MYOCD: variants seen among roughly 807,000 people sequenced by gnomAD.
MYOCD encodes myocardin.
A neutral mutation model predicts 96.1 loss-of-function variants in MYOCD; 32 were observed. The observed-to-expected ratio is 0.33, with a 90% CI of 0.25 to 0.45. The LOEUF is 0.45. MYOCD is among the 20% of genes least tolerant of loss of function. MYOCD has a pLI of 1.00. For missense variants in MYOCD, 1,133 were observed against 1,200.6 expected, an observed-to-expected ratio of 0.94 and a Z score of 0.83; for synonymous variants, 469 against 469.0, an observed-to-expected ratio of 1.00 and a Z score of 0.00.
At chr17:12,685,269 C>T (rs2030046142) in intron 1 of MYOCD, among the ~76,000 whole-genome samples, 1 of 151,986 alleles carries the variant, frequency 6.6e-6, no homozygotes, top group Non-Finnish European at 1.5e-5. Flanking sequence ...TACTGCACTC[C>T]AGCCTGGGTG....
chr17:12,762,821 A>G, intron 13 of MYOCD: 1 of 461,758 alleles, frequency 2.2e-6, no homozygotes, highest in Non-Finnish European at 3.8e-6. Flanking sequence ...CAGGGGTCAG[A>G]GGAGTAGGCC....
chr17:12,697,359 A>ATATT (rs1427225443), intron 1 of MYOCD, among the ~76,000 whole-genome samples: 8 of 75,718 alleles, frequency 1.1e-4, no homozygotes, highest in Non-Finnish European at 1.8e-4. Context: ...ATATATATAT[A>ATATT]TTTTTTTTTT....
chr17:12,756,570 A>T lies in MYOCD; in HGVS notation c.2202+13A>T, dbSNP rs751073096. 99 of 1,547,352 alleles carry T rather than the reference A, an allele frequency of 6.4e-5. No individual in the cohort carries two copies. The African/African-American group carries it at 9.5e-4, about 15-fold the overall frequency. On this transcript the variant is annotated intron_variant, in intron 11 of 13. Coordinates refer to ENST00000425538, the MANE Select transcript of MYOCD (RefSeq NM_001146312.3). The stretch of plus-strand genomic sequence containing the variant: ...TGTACAGCAAAAGGTAGGCACCTGA[A>T]AAAAGGCCTCAACCTGGGATTCACT...
intron 1 of MYOCD, among the ~76,000 whole-genome samples, chr17:12,694,749 T>C (rs8067114): frequency 0.14 from 21,602 of 151,998 alleles, 1,666 homozygotes; most frequent in African/African-American, 0.18. Flanking sequence ...TCTAGGAGTG[T>C]TTCTTAATGT....
intron 1 of MYOCD, among the ~76,000 whole-genome samples, chr17:12,697,391 C>T (rs1462589456): frequency 2.6e-5 from 3 of 116,876 alleles, no homozygotes; most frequent in Non-Finnish European, 3.3e-5. Context: ...GAGACGGGGT[C>T]TCGCTCTGTC....
At chr17:12,753,507 G>T (rs2032923859) in intron 10 of MYOCD, among the ~76,000 whole-genome samples, 161 bp downstream of exon 10, 1 of 152,184 alleles carries the variant, frequency 6.6e-6, no homozygotes, top group South Asian at 2.1e-4. Flanking sequence ...CCTCATGGTA[G>T]ACCAAACTCA....
At chr17:12,754,114 TG>T (rs2032942982) in intron 10 of MYOCD, among the ~76,000 whole-genome samples, 1 of 149,728 alleles carries the variant, frequency 6.7e-6, no homozygotes, top group South Asian at 2.1e-4. Flanking sequence ...AGTTTGCAAC[TG>T]TTTTTTTGAG....
chr17:12,741,714 TA>T (rs1567594454), intron 7 of MYOCD, among the ~76,000 whole-genome samples: 7 of 144,342 alleles, frequency 4.8e-5, no homozygotes, highest in Non-Finnish European at 7.6e-5. Context: ...TGTATATATA[TA>T]TAAAAAAAAA....
At chr17:12,747,387 G>A (rs1054939280) in intron 9 of MYOCD, among the ~76,000 whole-genome samples, 2 of 151,934 alleles carry the variant, frequency 1.3e-5, no homozygotes, top group Non-Finnish European at 2.9e-5. Flanking sequence ...GTAGAATGAG[G>A]AGTTGATGTG....
chr17:12,683,257 A>G (rs2029897230), intron 1 of MYOCD, among the ~76,000 whole-genome samples: 1 of 152,188 alleles, frequency 6.6e-6, no homozygotes, highest in Non-Finnish European at 1.5e-5. Flanking sequence ...CAGAACAAAA[A>G]CTAGGACTAG....
At chr17:12,699,150 G>C (rs935121009) in intron 1 of MYOCD, among the ~76,000 whole-genome samples, 1 of 150,026 alleles carries the variant, frequency 6.7e-6, no homozygotes, top group Non-Finnish European at 1.5e-5. Context: ...TTTTGAGACA[G>C]GGTCTTGCTT....
chr17:12,748,295 GTTA>G (rs1269149326), intron 9 of MYOCD, among the ~76,000 whole-genome samples: 1 of 152,040 alleles, frequency 6.6e-6, no homozygotes, highest in African/African-American at 2.4e-5. Context: ...GTGTGATAAT[GTTA>G]TTATATTATG....
intron 1 of MYOCD, among the ~76,000 whole-genome samples, chr17:12,698,125 A>G (rs2030868785): frequency 6.6e-6 from 1 of 152,218 alleles, no homozygotes. Context: ...AAGATGCTAT[A>G]CGAAGTAATC....
chr17:12,707,417 A>C (rs2031328186), intron 2 of MYOCD, among the ~76,000 whole-genome samples: 1 of 152,108 alleles, frequency 6.6e-6, no homozygotes, highest in South Asian at 2.1e-4. Flanking sequence ...AAAAGCACAC[A>C]GAAGCAGGCT....
At chr17:12,687,987 C>G (rs1052962140) in intron 1 of MYOCD, among the ~76,000 whole-genome samples, 1 of 152,160 alleles carries the variant, frequency 6.6e-6, no homozygotes, top group Non-Finnish European at 1.5e-5. Flanking sequence ...ACACAGATTC[C>G]AGTAACTTCT....
In MYOCD at chr17:12,688,735, CTCCTTCCTTCCTTGCT is replaced by C. The variant is rs1455377744; in HGVS notation, c.56-16379_56-16364del. ...TTTTTCTTCCATCTCCTTCCTCTCT[CTCCTTCCTTCCTTGCT>C]TCCTTCCTTCCTTCTTTCTTTCTTC... On this transcript the variant is annotated intron_variant, in intron 1 of 13. Transcript: ENST00000425538. 9.3e-5 allele frequency among the ~76,000 whole-genome samples: 14 copies of C among 150,348 alleles called. No homozygotes were observed. The South Asian group carries it at 1.9e-3, about 20-fold the overall frequency.
intron 10 of MYOCD, among the ~76,000 whole-genome samples, chr17:12,755,486 T>G (rs1055052253): frequency 3.3e-5 from 5 of 152,126 alleles, no homozygotes; most frequent in Non-Finnish European, 7.3e-5. Flanking sequence ...GGCTCATGCC[T>G]GTAATCCCAG....
rs143592495 is a variant in MYOCD at position 12,748,932 on chromosome 17, T to C, written c.1125+2860T>C. On this transcript the variant is annotated intron_variant, in intron 9 of 13. Transcript: ENST00000425538. The stretch of plus-strand genomic sequence containing the variant: ...ATTATAAAGTAACATATATTGACTG[T>C]TGAAATATGATAGTGTGTAGAAAAG... Among the ~76,000 whole-genome samples the C allele has an allele frequency of 4.4e-3, 671 of 152,308 alleles. 6 individuals carry two copies. The highest frequency in any genetic ancestry group is 0.015 in the African/African-American group (637 of 41,586).
rs112352971 is a variant in MYOCD at position 12,710,417 on chromosome 17, C to T, written c.122-5102C>T. 9.6e-3 allele frequency: 7,018 copies of T among 731,810 alleles called. 159 individuals are homozygous for T. The South Asian group carries it at 0.11, about 12-fold the overall frequency. The allele number at this position is 731,810 out of a possible 1,614,324, so 45.3% of individuals were successfully genotyped here. A position where few individuals can be genotyped will look rare whatever the true frequency, so the allele number is the denominator to read the frequency against. Reference sequence around the variant, plus strand: ...ATGAAATGTCTGGGCAGCTTGGTTTCATGATCTGATCAATGTAAATGAATT... The same window carrying T: ...ATGAAATGTCTGGGCAGCTTGGTTTTATGATCTGATCAATGTAAATGAATT... On this transcript the variant is annotated intron_variant, in intron 2 of 13. Coordinates refer to ENST00000425538, the MANE Select transcript of MYOCD (RefSeq NM_001146312.3).
Sources: gnomAD v4.1 joint callset for allele counts (sites outside exome capture counted in the v4.1 genomes callset) on GRCh38, gnomAD v4.1.1 for gene constraint, MANE v1.5 for transcripts, NCBI Gene and HGNC (gene_info 2026-07-23, HGNC 2026-07-21) for gene names.